Variants in DPYD observed in about 807,000 individuals in gnomAD.
DPYD encodes dihydropyrimidine dehydrogenase, also known as dihydropyrimidine dehydrogenase [NADP(+)].
DPYD carries 109 observed loss-of-function variants against 116.2 expected under a neutral mutation model. The ratio of observed to expected loss-of-function variants is 0.94; its 90% CI spans 0.80 to 1.10. The LOEUF (loss-of-function observed/expected upper bound fraction) is 1.10. Among genes scored for constraint, DPYD ranks in the 50% least tolerant of loss-of-function variants. DPYD has a pLI of 0.00. For synonymous variants in DPYD, 440 were observed against 432.0 expected, an observed-to-expected ratio of 1.02 and a Z score of -0.23; for missense variants, 1,302 against 1,254.5, an observed-to-expected ratio of 1.04 and a Z score of -0.57.
chr1:97,405,947 T>C (rs1424754747), intron 14 of DPYD, among the ~76,000 whole-genome samples: 2 of 152,128 alleles, frequency 1.3e-5, no homozygotes, highest in African/African-American at 2.4e-5. Context: ...GCGGGGGAAT[T>C]TTCTCTAATA....
At chr1:97,154,464 T>A (rs941561682) in intron 20 of DPYD, among the ~76,000 whole-genome samples, 15 of 152,028 alleles carry the variant, frequency 9.9e-5, no homozygotes, top group African/African-American at 3.6e-4. Context: ...GGAATAAGAA[T>A]GATACAGTGG....
intron 14 of DPYD, among the ~76,000 whole-genome samples, chr1:97,392,247 A>G (rs1164985898): frequency 6.6e-6 from 1 of 152,072 alleles, no homozygotes; most frequent in Non-Finnish European, 1.5e-5. Context: ...CCTTTGGTGA[A>G]TCATAATCTT....
intron 5 of DPYD, 137 bp from the exon 6 acceptor site, chr1:97,699,684 C>T: frequency 1.2e-6 from 1 of 845,918 alleles, no homozygotes; most frequent in Admixed American, 2.3e-5. Flanking sequence ...GGTATACTTA[C>T]AACTTTTATT....
rs374100823 is a variant in DPYD at position 97,473,924 on chromosome 1, A to G, written c.1741-23701T>C. Among the ~76,000 whole-genome samples the G allele has an allele frequency of 1.2e-4, 18 of 151,474 alleles. No individual in the cohort carries two copies. In the East Asian group the frequency reaches 3.5e-3, roughly 30 times the overall value. Reference sequence around the variant, plus strand: ...CTACTTGGGAGGCTGAGGTGGGAGGATCACTTGAGCCCAGGAAGTTGAGGC... The same window carrying G: ...CTACTTGGGAGGCTGAGGTGGGAGGGTCACTTGAGCCCAGGAAGTTGAGGC... On this transcript the variant is annotated intron_variant, in intron 13 of 22. Transcript: ENST00000370192.
At chr1:97,453,084 GA>G in intron 13 of DPYD, among the ~76,000 whole-genome samples, 1 of 151,906 alleles carries the variant, frequency 6.6e-6, no homozygotes, top group Non-Finnish European at 1.5e-5. Context: ...ATAGATCCCT[GA>G]ACCAAATGCT....
chr1:97,136,260 A>C (rs1653790556), intron 20 of DPYD, among the ~76,000 whole-genome samples: 1 of 152,232 alleles, frequency 6.6e-6, no homozygotes. Flanking sequence ...AGGAATCATT[A>C]CACAAATAAA....
chr1:97,542,462 C>A (rs995337071), intron 12 of DPYD, among the ~76,000 whole-genome samples: 7 of 152,210 alleles, frequency 4.6e-5, no homozygotes, highest in Middle Eastern at 3.4e-3. Context: ...AAAATCTTAT[C>A]CAGTAGCCTT....
At chr1:97,572,530 C>A (rs1335530402) in intron 11 of DPYD, among the ~76,000 whole-genome samples, 4 of 151,918 alleles carry the variant, frequency 2.6e-5, no homozygotes, top group Admixed American at 2.0e-4. Flanking sequence ...CATGATTCAA[C>A]ATTTTACTCA....
At chr1:97,570,843 G>T (rs1168197353) in intron 11 of DPYD, among the ~76,000 whole-genome samples, 1 of 151,588 alleles carries the variant, frequency 6.6e-6, no homozygotes, top group African/African-American at 2.4e-5. Context: ...GCAATGACTC[G>T]CTCATTTTCA....
chr1:97,560,486 C>T (rs1032588055), intron 11 of DPYD, among the ~76,000 whole-genome samples: 11 of 150,924 alleles, frequency 7.3e-5, no homozygotes, highest in Admixed American at 7.3e-4. Context: ...ACAAGCTATT[C>T]TTCCCAGGTG....
intron 21 of DPYD, among the ~76,000 whole-genome samples, chr1:97,083,038 TAG>T (rs1430490846): frequency 6.6e-6 from 1 of 152,152 alleles, no homozygotes; most frequent in African/African-American, 2.4e-5. Flanking sequence ...GTTAATCGCT[TAG>T]GTTGATCCAA....
At chr1:97,309,303 G>T (rs1201235795) in intron 16 of DPYD, among the ~76,000 whole-genome samples, 2 of 150,188 alleles carry the variant, frequency 1.3e-5, no homozygotes, top group East Asian at 4.0e-4. Context: ...AACATGATTT[G>T]CAATCTCTGT....
In DPYD at chr1:97,222,014, G is replaced by A. The variant is rs184820610; in HGVS notation, c.2442+12838C>T. Among the ~76,000 whole-genome samples, 3 of 152,080 alleles carry A rather than the reference G, an allele frequency of 2.0e-5. No homozygotes were observed. In the East Asian group the frequency reaches 5.8e-4, roughly 29 times the overall value. On this transcript the variant is annotated intron_variant, in intron 19 of 22. Transcript: ENST00000370192. Reference sequence around the variant, plus strand: ...CATCCAATCACAACTCATTTCAAGTGACACTGATAAACCAGAAATAGAGGA... The same window carrying A: ...CATCCAATCACAACTCATTTCAAGTAACACTGATAAACCAGAAATAGAGGA...
intron 20 of DPYD, among the ~76,000 whole-genome samples, chr1:97,142,489 G>T (rs1034329981): frequency 2.0e-5 from 3 of 152,014 alleles, no homozygotes; most frequent in Non-Finnish European, 4.4e-5. Flanking sequence ...CAAGAAAAAA[G>T]AAACAAAAGA....
At chr1:97,832,264 G>T (rs1669577525) in intron 2 of DPYD, among the ~76,000 whole-genome samples, 1 of 152,020 alleles carries the variant, frequency 6.6e-6, no homozygotes, top group African/African-American at 2.4e-5. Context: ...GCTAGCAAGG[G>T]ATAAAGCAGG....
chr1:97,333,700 T>A (rs1238088421), intron 16 of DPYD, among the ~76,000 whole-genome samples: 1 of 141,632 alleles, frequency 7.1e-6, no homozygotes. Context: ...TTTTTGTATT[T>A]TAGTAGAGAT....
chr1:97,915,937 T>A (rs1429453729), intron 1 of DPYD, among the ~76,000 whole-genome samples: 2 of 152,216 alleles, frequency 1.3e-5, no homozygotes, highest in Non-Finnish European at 2.9e-5. Context: ...CTAGTTTTAG[T>A]GTTCCAAACT....
At chr1:97,804,118 T>C (rs1173728590) in intron 3 of DPYD, among the ~76,000 whole-genome samples, 1 of 151,788 alleles carries the variant, frequency 6.6e-6, no homozygotes, top group Non-Finnish European at 1.5e-5. Flanking sequence ...AAATTTGTTG[T>C]TATATTAAAC....
intron 2 of DPYD, among the ~76,000 whole-genome samples, chr1:97,881,434 C>T (rs72979786): frequency 0.02 from 3,015 of 151,890 alleles, 91 homozygotes; most frequent in African/African-American, 0.065. Context: ...TTGTAGCATC[C>T]GTAGGTATAA....
Sources: allele counts gnomAD v4.1 joint callset (sites outside exome capture counted in the v4.1 genomes callset), GRCh38; gene constraint gnomAD v4.1.1; transcripts MANE v1.5; gene names NCBI Gene and HGNC (gene_info 2026-07-23, HGNC 2026-07-21).